Variants in DNAH11 observed in about 807,000 individuals in gnomAD.
DNAH11 encodes axonemal beta dynein heavy chain 11.
A neutral mutation model predicts 526.0 loss-of-function variants in DNAH11; 442 were observed. The observed-to-expected ratio is 0.84, with a 90% CI of 0.78 to 0.91. The LOEUF is 0.91. Among genes scored for constraint, DNAH11 ranks in the 40% least tolerant of loss-of-function variants. The pLI, the probability that DNAH11 is intolerant of heterozygous loss-of-function variation, is 0.00. For missense variants in DNAH11, 6,989 were observed against 5,448.7 expected (o/e 1.28, Z -8.90); for synonymous variants, 2,461 against 1,935.9 (o/e 1.27, Z -7.12).
chr7:21,663,826 T>C (rs1008239527), intron 30 of DNAH11, among the ~76,000 whole-genome samples: 1 of 151,900 alleles, frequency 6.6e-6, no homozygotes, highest in Admixed American at 6.6e-5. Context: ...TATTCGTCCA[T>C]TGATGGAGAC....
At chr7:21,631,257 ACATGGGAATT>A (rs2128458056) in intron 25 of DNAH11, among the ~76,000 whole-genome samples, 1 of 152,310 alleles carries the variant, frequency 6.6e-6, no homozygotes, top group Non-Finnish European at 1.5e-5. Context: ...TTCTCACAAA[ACATGGGAATT>A]CAAGGTGAGA....
chr7:21,729,560 A>C (rs1785281951), intron 45 of DNAH11, among the ~76,000 whole-genome samples: 1 of 152,182 alleles, frequency 6.6e-6, no homozygotes, highest in African/African-American at 2.4e-5. Context: ...CCACATCTTC[A>C]ACACTTTTCT....
chr7:21,739,715 T>C lies in DNAH11; in HGVS notation c.7914+42T>C, dbSNP rs184069578. ...TGCTCTCAAAAACTGTAGGTCTGTA[T>C]TGTATTGTTTTCGAGTACAGCTTAG... is the stretch of plus-strand genomic sequence containing the variant. On this transcript the variant is annotated intron_variant, in intron 48 of 81. Coordinates refer to ENST00000409508, the MANE Select transcript of DNAH11 (RefSeq NM_001277115.2). The C allele has an allele frequency of 1.3e-4, 186 of 1,463,880 alleles. 1 individual carries two copies. Among genetic ancestry groups the C allele is most frequent in the Non-Finnish European group, 2.0e-5 (21 of 1,058,078 alleles). 90.7% of individuals were successfully genotyped at this position (1,463,880 alleles called of 1,614,324 possible). A position where few individuals can be genotyped will look rare whatever the true frequency, so the allele number is the denominator to read the frequency against.
At chr7:21,688,942 T>C (rs1783499999) in intron 34 of DNAH11, among the ~76,000 whole-genome samples, 1 of 152,234 alleles carries the variant, frequency 6.6e-6, no homozygotes, top group Non-Finnish European at 1.5e-5. Context: ...TTAGAATATT[T>C]TTCTCAGCTA....
intron 73 of DNAH11, among the ~76,000 whole-genome samples, chr7:21,869,405 A>G (rs1274335089): frequency 6.6e-6 from 1 of 152,000 alleles, no homozygotes; most frequent in Non-Finnish European, 1.5e-5. Flanking sequence ...TCCTTAGCAT[A>G]GCTAAAACCA....
At chr7:21,842,464 A>C (rs1332084495) in intron 65 of DNAH11, 80 bp from the exon 66 acceptor site, 3 of 1,216,576 alleles carry the variant, frequency 2.5e-6, no homozygotes, top group Admixed American at 2.5e-5. Context: ...CCATTATAAG[A>C]ATACAGGAAT....
At chr7:21,888,705 G>C (rs1784220378) in intron 76 of DNAH11, among the ~76,000 whole-genome samples, 1 of 151,872 alleles carries the variant, frequency 6.6e-6, no homozygotes, top group Admixed American at 6.6e-5. Flanking sequence ...AGTCAGGCTG[G>C]TCTTGAACTC....
intron 61 of DNAH11, among the ~76,000 whole-genome samples, chr7:21,796,295 A>G (rs553695348): frequency 6.2e-4 from 95 of 152,326 alleles, no homozygotes; most frequent in Non-Finnish European, 1.0e-3. Flanking sequence ...TGTGAGCCAT[A>G]TATGAGAACT....
At chr7:21,654,161 C>T (rs1326219939) in intron 28 of DNAH11, among the ~76,000 whole-genome samples, 3 of 152,136 alleles carry the variant, frequency 2.0e-5, no homozygotes, top group African/African-American at 7.2e-5. Context: ...ACATTCACAA[C>T]CACCTTTTAT....
At chr7:21,585,792 G>T (rs1187448290) in intron 9 of DNAH11, among the ~76,000 whole-genome samples, 1 of 152,168 alleles carries the variant, frequency 6.6e-6, no homozygotes. Flanking sequence ...CAATGGCAAT[G>T]GTGTTATGAA....
chr7:21,885,799 G>C (rs62445887), intron 76 of DNAH11, among the ~76,000 whole-genome samples: 1 of 152,092 alleles, frequency 6.6e-6, no homozygotes, highest in East Asian at 1.9e-4. Flanking sequence ...TCCTTCTCTC[G>C]TGAGGAAGAG....
chr7:21,665,147 C>T (rs180873718), intron 30 of DNAH11, among the ~76,000 whole-genome samples: 1 of 152,126 alleles, frequency 6.6e-6, no homozygotes, highest in East Asian at 1.9e-4. Flanking sequence ...CTCCCTCTCT[C>T]TCACTCCGCT....
chr7:21,892,182 G>T (rs573479122), intron 76 of DNAH11, among the ~76,000 whole-genome samples: 1 of 152,102 alleles, frequency 6.6e-6, no homozygotes, highest in Admixed American at 6.6e-5. Flanking sequence ...ACTGCCCCAT[G>T]CACACTGCAA....
At chr7:21,737,334 A>G (rs1447096448) in intron 46 of DNAH11, among the ~76,000 whole-genome samples, 1 of 152,240 alleles carries the variant, frequency 6.6e-6, no homozygotes, top group Non-Finnish European at 1.5e-5. Context: ...CCAGTTCACC[A>G]AAAGACCAAA....
At chr7:21,567,515 G>A (rs1019689503) in intron 6 of DNAH11, among the ~76,000 whole-genome samples, 4 of 152,178 alleles carry the variant, frequency 2.6e-5, no homozygotes, top group Admixed American at 2.0e-4. Flanking sequence ...TTAAATGCCA[G>A]CATTTCAGCC....
In DNAH11 at chr7:21,739,645, G is replaced by A; in HGVS notation, c.7886G>A (p.Gly2629Asp). The change falls in exon 48 of 82, where the codon GGC (glycine) becomes GAC (aspartate). Residue 2629 changes from glycine (G) to aspartate (D), a missense_variant. Transcript: ENST00000409508. ...GTCGCCTGCATGAATCCGATGGTGG[G>A]CAGCTTCACCATCAATCCCAGGCTA... Reference protein sequence around the residue: ...QYVACMNPMVGSFTINPRLQR... With the variant: ...QYVACMNPMVDSFTINPRLQR... 3 of 1,612,702 alleles carry A rather than the reference G, an allele frequency of 1.9e-6. No individual in the cohort carries two copies. The highest frequency in any genetic ancestry group is 4.5e-5 in the East Asian group (2 of 44,854).
At chr7:21,606,766 A>G (rs1275299120) in intron 20 of DNAH11, 33 bp downstream of exon 20, 1 of 1,526,332 alleles carries the variant, frequency 6.6e-7, no homozygotes, top group Non-Finnish European at 9.0e-7. Flanking sequence ...TGTGTGCATT[A>G]AAATAGCTAC....
At chr7:21,886,617 G>T (rs898687619) in intron 76 of DNAH11, among the ~76,000 whole-genome samples, 2 of 152,146 alleles carry the variant, frequency 1.3e-5, no homozygotes, top group East Asian at 1.9e-4. Flanking sequence ...CTTTACAGAG[G>T]CTGATTTCTC....
At chr7:21,674,237 G>T (rs1367601487) in intron 30 of DNAH11, among the ~76,000 whole-genome samples, 1 of 152,064 alleles carries the variant, frequency 6.6e-6, no homozygotes, top group South Asian at 2.1e-4. Context: ...TGTATTTTTA[G>T]TACAGACGAG....
Sources: gnomAD v4.1 joint callset for allele counts (sites outside exome capture counted in the v4.1 genomes callset) on GRCh38, gnomAD v4.1.1 for gene constraint, MANE v1.5 for transcripts, NCBI Gene and HGNC (gene_info 2026-07-23, HGNC 2026-07-21) for gene names.